Variants in NSD1 observed in about 807,000 individuals in gnomAD.
NSD1 encodes the protein nuclear receptor binding SET domain protein 1, also known as histone-lysine N-methyltransferase, H3 lysine-36 specific.
In NSD1, 26 loss-of-function variants were observed where a neutral mutation model predicts 242.7. The ratio of observed to expected loss-of-function variants is 0.11; its 90% confidence interval spans 0.08 to 0.15. The LOEUF is 0.15. NSD1 is among the 10% of genes least tolerant of loss of function. NSD1 has a pLI of 1.00. For missense variants in NSD1, 2,495 were observed against 3,272.8 expected (o/e 0.76, Z 5.80); for synonymous variants, 1,106 against 1,178.1 (o/e 0.94, Z 1.25).
At chr5:177,253,867 G>C (rs2149907944) in intron 12 of NSD1, among the ~76,000 whole-genome samples, 1 of 152,240 alleles carries the variant, frequency 6.6e-6, no homozygotes, top group African/African-American at 2.4e-5. Context: ...GAAGTCCTGG[G>C]ATCAAGCAGT....
chr5:177,162,549 C>A (rs1041790221), intron 2 of NSD1, among the ~76,000 whole-genome samples: 1 of 152,100 alleles, frequency 6.6e-6, no homozygotes, highest in African/African-American at 2.4e-5. Flanking sequence ...GCATGTGTCA[C>A]CATGCTTTTG....
intron 13 of NSD1, among the ~76,000 whole-genome samples, chr5:177,257,541 A>T (rs902346219): frequency 2.0e-5 from 3 of 151,562 alleles, no homozygotes; most frequent in African/African-American, 7.3e-5. Flanking sequence ...GGCAACAGAT[A>T]TTTTCAAATG....
chr5:177,266,347 G>C (rs529683213), intron 14 of NSD1: 5 of 707,114 alleles, frequency 7.1e-6, no homozygotes, highest in South Asian at 6.9e-5. Flanking sequence ...ACTCGATGCC[G>C]ATGACCTTGC....
intron 5 of NSD1, among the ~76,000 whole-genome samples, chr5:177,229,292 C>G (rs1421430050): frequency 6.6e-6 from 1 of 152,156 alleles, no homozygotes; most frequent in Non-Finnish European, 1.5e-5. Flanking sequence ...TCATTTATCT[C>G]TTTCTTCACA....
In NSD1 at chr5:177,264,028, A is replaced by ATTTTTTTTTTTT. The variant is rs61538775; in HGVS notation, c.5147-3519_5147-3508dup. 5.5e-3 allele frequency among the ~76,000 whole-genome samples: 423 copies of ATTTTTTTTTTTT among 76,364 alleles called. 67 individuals carry two copies. The highest frequency in any genetic ancestry group is 6.5e-3 in the African/African-American group (127 of 19,500). The allele number at this position is 76,364 out of a possible 152,430, so 50.1% of individuals were successfully genotyped here. A position where few individuals can be genotyped will look rare whatever the true frequency, so the allele number is the denominator to read the frequency against. The stretch of plus-strand genomic sequence containing the variant: ...AAGATGCATATGACTCAATGAACCA[A>ATTTTTTTTTTTT]TTTTTTTTTTTTTTTTTTTTTTTTT... On this transcript the variant is annotated intron_variant, in intron 14 of 22. Transcript: ENST00000439151.
intron 3 of NSD1, among the ~76,000 whole-genome samples, chr5:177,197,260 A>C (rs1762170542): frequency 6.6e-6 from 1 of 151,338 alleles, no homozygotes; most frequent in Admixed American, 6.6e-5. Context: ...ATGGAGCAAG[A>C]CTCCATCTAA....
chr5:177,204,654 A>G (rs1476760935), intron 4 of NSD1, among the ~76,000 whole-genome samples: 1 of 152,110 alleles, frequency 6.6e-6, no homozygotes, highest in East Asian at 1.9e-4. Context: ...TTTAAAAATC[A>G]TTATCTACTT....
At chr5:177,256,199 G>A (rs533431680) in intron 12 of NSD1, among the ~76,000 whole-genome samples, 85 of 151,840 alleles carry the variant, frequency 5.6e-4, no homozygotes, top group African/African-American at 1.9e-3. Flanking sequence ...ATTGTATGTC[G>A]GGTGATTTCC....
Position 177,135,637 on chromosome 5 carries a change from G to C in NSD1, c.534G>C (p.Glu178Asp). ...MDPEQPVTED[E>D]SIEEIFEETQ... ...CAGAACAGCCAGTCACAGAGGATGA[G>C]AGTATAGAGGAGATCTTTGAGGAAA... The change falls in exon 2 of 23, where the codon GAG becomes GAC. Residue 178 changes from glutamate to aspartate, a missense_variant. Around this residue, in one of 19 missense-constraint regions of NSD1, gnomAD observed 376 missense variants for 367.4 expected, o/e 1.02. Coordinates refer to ENST00000439151, the MANE Select transcript of NSD1 (RefSeq NM_022455.5). 3.1e-6 allele frequency: 5 copies of C among 1,614,216 alleles called. No homozygotes were observed. The highest frequency in any genetic ancestry group is 4.2e-6 in the Non-Finnish European group (5 of 1,180,044).
At chr5:177,140,291 G>T (rs1479876456) in intron 2 of NSD1, among the ~76,000 whole-genome samples, 2 of 152,192 alleles carry the variant, frequency 1.3e-5, no homozygotes, top group Non-Finnish European at 2.9e-5. Context: ...TGGATGTGGA[G>T]AATTAAATGA....
intron 2 of NSD1, among the ~76,000 whole-genome samples, chr5:177,168,891 G>A (rs1759458345): frequency 6.6e-6 from 1 of 152,206 alleles, no homozygotes; most frequent in South Asian, 2.1e-4. Context: ...TTGAAGAAGT[G>A]GTAGTCAGTT....
chr5:177,278,823 A>G (rs1444461288), intron 17 of NSD1, among the ~76,000 whole-genome samples: 10 of 152,232 alleles, frequency 6.6e-5, no homozygotes, highest in Non-Finnish European at 1.5e-4. Context: ...TCCCACTGAA[A>G]TAATATGAAA....
At chr5:177,139,718 G>A (rs958490540) in intron 2 of NSD1, among the ~76,000 whole-genome samples, 6 of 152,142 alleles carry the variant, frequency 3.9e-5, no homozygotes, top group Admixed American at 1.3e-4. Context: ...AAGTTGGGAA[G>A]CCGAGACAAA....
At position 177,267,691 on chromosome 5, in the gene NSD1, T is replaced by C. The variant is rs1060501498; in HGVS notation, c.5276T>C (p.Ile1759Thr). 6.2e-7 allele frequency: 1 copy of C among 1,614,032 alleles called. No homozygotes were observed. The change falls in exon 15 of 23, where the codon ATT becomes ACT. Residue 1759 changes from isoleucine to threonine, a missense_variant. Physicochemically the swap from Ile to Thr is moderately conservative, Grantham distance 89 (BLOSUM62 -1). Around this residue, in one of 19 missense-constraint regions of NSD1, gnomAD observed 25 missense variants for 49.7 expected, o/e 0.50. Transcript: ENST00000439151. ...GGCAAAAAGCCACACTACAGGGAGA[T>C]TGTCTGGGTAAAAGTTGGACGATAC... ...KAGKKPHYREIVWVKVGRYRW... is the reference protein window; with the variant it reads ...KAGKKPHYRETVWVKVGRYRW...
At chr5:177,224,043 T>G (rs1204284541) in intron 5 of NSD1, among the ~76,000 whole-genome samples, 2 of 150,302 alleles carry the variant, frequency 1.3e-5, no homozygotes, top group Non-Finnish European at 3.0e-5. Flanking sequence ...TTTGTAGTAA[T>G]TAATTACAGT....
chr5:177,209,137 G>T (rs1763126936), intron 4 of NSD1, among the ~76,000 whole-genome samples: 1 of 152,042 alleles, frequency 6.6e-6, no homozygotes, highest in South Asian at 2.1e-4. Flanking sequence ...GTATTTTTGA[G>T]GAAGCTCCAT....
intron 2 of NSD1, among the ~76,000 whole-genome samples, chr5:177,143,577 C>T (rs1212636021): frequency 1.3e-5 from 2 of 152,114 alleles, no homozygotes; most frequent in African/African-American, 4.8e-5. Context: ...GCCTCAGCCT[C>T]CCAAAGTGCT....
At position 177,273,793 on chromosome 5, in the gene NSD1, A is replaced by G; in HGVS notation, c.5622+9A>G. 6.3e-7 allele frequency: 1 copy of G among 1,578,684 alleles called. No homozygotes were observed. The highest frequency in any genetic ancestry group is 2.2e-5 in the East Asian group (1 of 44,688). On this transcript the variant is annotated intron_variant, in intron 17 of 22. Coordinates refer to ENST00000439151, the MANE Select transcript of NSD1 (RefSeq NM_022455.5). ...CTTATAAACATATAAAGGTGAGGAG[A>G]AAATCTTGGGGGACCTTCTCTAGAA... is the stretch of plus-strand genomic sequence containing the variant.
At chr5:177,248,012 C>T (rs2149899227) in intron 10 of NSD1, 169 bp from the exon 11 acceptor site, 1 of 985,464 alleles carries the variant, frequency 1.0e-6, no homozygotes, top group African/African-American at 1.7e-5. Flanking sequence ...CGCCCACTAC[C>T]CGCCCAATCA....
Sources: allele counts gnomAD v4.1 joint callset (sites outside exome capture counted in the v4.1 genomes callset), GRCh38; gene constraint gnomAD v4.1.1; regional missense constraint gnomAD v4.1.1; transcripts MANE v1.5; gene names NCBI Gene and HGNC (gene_info 2026-07-23, HGNC 2026-07-21).